Variants in ADAMTS20 observed in about 807,000 individuals in gnomAD.
ADAMTS20 encodes the protein ADAM metallopeptidase with thrombospondin type 1 motif 20.
In ADAMTS20, 225 loss-of-function variants were observed where a neutral mutation model predicts 260.1. The observed-to-expected ratio is 0.87, with a 90% CI of 0.78 to 0.97. The LOEUF (loss-of-function observed/expected upper bound fraction) is 0.97, where lower values mean the gene tolerates loss of function less well. ADAMTS20 is among the 50% of genes least tolerant of loss of function. The pLI is 0.00. For synonymous variants in ADAMTS20, 802 were observed against 769.5 expected, an observed-to-expected ratio of 1.04 and a Z score of -0.70; for missense variants, 2,400 against 2,337.7, an observed-to-expected ratio of 1.03 and a Z score of -0.55.
At chr12:43,407,993 A>C (rs1940950300) in intron 28 of ADAMTS20, among the ~76,000 whole-genome samples, 1 of 152,210 alleles carries the variant, frequency 6.6e-6, no homozygotes, top group African/African-American at 2.4e-5. Context: ...TCATCTAAAG[A>C]GTTCCTGTTT....
At chr12:43,511,256 C>T (rs1942920405) in intron 3 of ADAMTS20, among the ~76,000 whole-genome samples, 1 of 152,052 alleles carries the variant, frequency 6.6e-6, no homozygotes, top group Admixed American at 6.6e-5. Flanking sequence ...CCCATTCATC[C>T]TTCATTTATG....
intron 3 of ADAMTS20, among the ~76,000 whole-genome samples, chr12:43,514,282 C>T (rs1465722595): frequency 7.9e-5 from 12 of 151,398 alleles, no homozygotes; most frequent in Admixed American, 7.9e-4. Context: ...AATGCTTTTC[C>T]GGCCAGGCAG....
intron 24 of ADAMTS20, among the ~76,000 whole-genome samples, chr12:43,429,316 G>A (rs1467276325): frequency 5.3e-5 from 8 of 152,100 alleles, no homozygotes; most frequent in South Asian, 2.1e-4. Flanking sequence ...AATAAAAGCC[G>A]ATACAGCCTA....
At position 43,462,973 on chromosome 12, in the gene ADAMTS20, T is replaced by C. The variant is rs753842998; in HGVS notation, c.1536A>G (p.Thr512=). 4.4e-6 allele frequency: 7 copies of C among 1,607,292 alleles called. No homozygotes were observed. In the African/African-American group the frequency reaches 5.3e-5, roughly 12 times the overall value. ...AGCCTTTGTGAAGCTTTTCTGTGCT[T>C]GTGCACCACAGATGCATGCATATAT... ...HINICMHLWC[T]STEKLHKGCF... The change falls in exon 11 of 39, where the codon ACA becomes ACG. Residue 512 remains threonine (T), a synonymous_variant. Coordinates refer to ENST00000389420, the MANE Select transcript of ADAMTS20 (RefSeq NM_025003.5).
At position 43,551,784 on chromosome 12, in the gene ADAMTS20, C is replaced by T; in HGVS notation, c.91+47G>A. On this transcript the variant is annotated intron_variant, in intron 1 of 38. Transcript: ENST00000389420. This position sits in a 1 kb window ranked among gnomAD's most constrained non-coding sequence, Gnocchi z 4.6. Reference sequence around the variant, plus strand: ...CCGCGACCTGCATGTCCCACTCGGGCCCCGCGCCCCCACTTAGCCGCTGAA... The same window carrying T: ...CCGCGACCTGCATGTCCCACTCGGGTCCCGCGCCCCCACTTAGCCGCTGAA... The T allele has an allele frequency of 6.3e-7, 1 of 1,593,310 alleles. No individual in the cohort carries two copies. The highest frequency in any genetic ancestry group is 8.6e-7 in the Non-Finnish European group (1 of 1,163,442).
intron 11 of ADAMTS20, among the ~76,000 whole-genome samples, chr12:43,457,413 G>GT (rs1941984004): frequency 6.6e-6 from 1 of 152,102 alleles, no homozygotes. Context: ...TCATATCTTG[G>GT]TTTTTTAATT....
chr12:43,520,948 C>T (rs560649042), intron 3 of ADAMTS20, among the ~76,000 whole-genome samples: 3 of 152,108 alleles, frequency 2.0e-5, no homozygotes, highest in Admixed American at 6.6e-5. Context: ...TCATCTTCTT[C>T]GTAAAGTACA....
intron 7 of ADAMTS20, among the ~76,000 whole-genome samples, chr12:43,469,563 T>C (rs1341149974): frequency 6.6e-6 from 1 of 152,168 alleles, no homozygotes; most frequent in Non-Finnish European, 1.5e-5. Context: ...GATTTTGCTA[T>C]TATTACCCTT....
chr12:43,476,894 T>A (rs940752875), intron 7 of ADAMTS20, among the ~76,000 whole-genome samples: 4 of 150,314 alleles, frequency 2.7e-5, no homozygotes, highest in African/African-American at 9.8e-5. Flanking sequence ...TACCTAAGGC[T>A]AGATGACGAG....
chr12:43,493,956 T>C (rs1332549153), intron 4 of ADAMTS20, among the ~76,000 whole-genome samples: 5 of 152,224 alleles, frequency 3.3e-5, no homozygotes, highest in Admixed American at 6.5e-5. Flanking sequence ...GAATGGGCTC[T>C]GCATGGGCTC....
chr12:43,523,470 G>T (rs1451375260), intron 3 of ADAMTS20, among the ~76,000 whole-genome samples: 5 of 152,130 alleles, frequency 3.3e-5, no homozygotes, highest in African/African-American at 1.2e-4. Flanking sequence ...GGGGGTGGGG[G>T]GCAAGTGGAA....
chr12:43,405,409 C>T (rs1219511223), intron 28 of ADAMTS20, among the ~76,000 whole-genome samples: 3 of 118,478 alleles, frequency 2.5e-5, no homozygotes, highest in African/African-American at 6.5e-5. Flanking sequence ...CAGAAGAAGA[C>T]GTCTTCTCTA....
rs1942545967 is a variant in ADAMTS20, at chr12:43,487,843, A to G, written c.1117+2552T>C. 2.0e-5 allele frequency among the ~76,000 whole-genome samples: 3 copies of G among 152,160 alleles called. No homozygotes were observed. The South Asian group carries it at 6.2e-4, about 31-fold the overall frequency. ...ATTATAGAACTATAAAAATGAAAATATTATGGAACTGATGCATGGATAAAT... is the reference window on the plus strand; with the variant it reads ...ATTATAGAACTATAAAAATGAAAATGTTATGGAACTGATGCATGGATAAAT... On this transcript the variant is annotated intron_variant, in intron 7 of 38. Transcript: ENST00000389420.
intron 11 of ADAMTS20, among the ~76,000 whole-genome samples, chr12:43,457,628 AT>A (rs1189448369): frequency 6.6e-6 from 1 of 152,166 alleles, no homozygotes; most frequent in Non-Finnish European, 1.5e-5. Flanking sequence ...CCTAGTCATC[AT>A]TTCTCTTCTT....
chr12:43,410,819 G>T (rs1941016994), intron 28 of ADAMTS20, among the ~76,000 whole-genome samples: 1 of 152,222 alleles, frequency 6.6e-6, no homozygotes, highest in Non-Finnish European at 1.5e-5. Context: ...TGCAGAATGA[G>T]AATTGGAAGC....
intron 28 of ADAMTS20, among the ~76,000 whole-genome samples, chr12:43,402,324 C>A (rs150848390): frequency 1.6e-3 from 243 of 151,668 alleles, no homozygotes; most frequent in Admixed American, 4.7e-3. Context: ...GGTTAAAAAA[C>A]CAAAAGTCCT....
Position 43,551,330 on chromosome 12 carries a change from ACTT to A in ADAMTS20, c.92-63_92-61del, listed in dbSNP as rs1943513792. ...CGCGTTCCTCATTGTCCAACTCTAA[ACTT>A]CTTCCACCAAACGTCCCCGCTAAAG... On this transcript the variant is annotated intron_variant, in intron 1 of 38. Transcript: ENST00000389420. The surrounding 1 kb of genome is among the most constrained non-coding windows in gnomAD (Gnocchi z 4.6). The A allele has an allele frequency of 5.2e-6, 8 of 1,552,078 alleles. 1 individual carries two copies. In the Admixed American group the frequency reaches 1.5e-4, roughly 29 times the overall value.
intron 16 of ADAMTS20, among the ~76,000 whole-genome samples, 192 bp downstream of exon 16, chr12:43,443,597 TAA>T (rs957568380): frequency 1.8e-4 from 26 of 148,296 alleles, no homozygotes; most frequent in Non-Finnish European, 7.5e-5. Flanking sequence ...AGAATTTCAT[TAA>T]GTTTTTTTTT....
intron 3 of ADAMTS20, 141 bp from the exon 4 acceptor site, chr12:43,502,546 T>C: frequency 1.2e-6 from 1 of 832,418 alleles, no homozygotes. Flanking sequence ...GAGAAATTGT[T>C]ATTTAAAATA....
Sources: allele counts gnomAD v4.1 joint callset (sites outside exome capture counted in the v4.1 genomes callset), GRCh38; gene constraint gnomAD v4.1.1; non-coding constraint Gnocchi (gnomAD v3.1); transcripts MANE v1.5; gene names NCBI Gene and HGNC (gene_info 2026-07-23, HGNC 2026-07-21).